Variants in KIAA0319L observed in about 807,000 individuals in gnomAD.
The protein encoded by KIAA0319L is dyslexia-associated protein KIAA0319-like protein.
Under a neutral mutation model 120.1 loss-of-function variants are expected in KIAA0319L, and 55 were observed. The ratio of observed to expected loss-of-function variants is 0.46; its 90% confidence interval spans 0.37 to 0.57. The LOEUF (loss-of-function observed/expected upper bound fraction) is 0.57. Ranked by LOEUF, KIAA0319L falls within the 20% of genes least tolerant of loss-of-function variation. The probability of loss-of-function intolerance (pLI) is 0.00; values close to 1 mark genes in which losing one functional copy is unlikely to be tolerated. For missense variants in KIAA0319L, 1,049 were observed against 1,255.3 expected (o/e 0.84, Z 2.48); for synonymous variants, 398 against 471.9 (o/e 0.84, Z 2.03).
intron 5 of KIAA0319L, 106 bp downstream of exon 5, chr1:35,474,699 G>A: frequency 1.5e-6 from 1 of 647,306 alleles, no homozygotes; most frequent in Non-Finnish European, 2.8e-6. Context: ...ACTAAGGTGG[G>A]AGGATCTCCT....
intron 17 of KIAA0319L, among the ~76,000 whole-genome samples, chr1:35,443,879 A>G (rs929841084): frequency 6.6e-6 from 1 of 152,180 alleles, no homozygotes; most frequent in African/African-American, 2.4e-5. Flanking sequence ...TTGATCATTG[A>G]AGTAAACAGT....
intron 3 of KIAA0319L, among the ~76,000 whole-genome samples, chr1:35,492,530 AT>A (rs1326286661): frequency 1.3e-5 from 2 of 151,662 alleles, no homozygotes; most frequent in Admixed American, 6.6e-5. Context: ...TAATAAATTA[AT>A]TAATAATAAT....
chr1:35,474,099 G>A (rs1210352503), intron 5 of KIAA0319L, among the ~76,000 whole-genome samples: 1 of 151,980 alleles, frequency 6.6e-6, no homozygotes, highest in Non-Finnish European at 1.5e-5. Context: ...TTTTCCCCCA[G>A]GGACAGGGTT....
chr1:35,526,643 C>T (rs181393593), intron 2 of KIAA0319L, among the ~76,000 whole-genome samples: 148 of 151,982 alleles, frequency 9.7e-4, no homozygotes, highest in South Asian at 5.6e-3. Context: ...GATGAGGTCT[C>T]ACTAAGTTGC....
chr1:35,524,367 A>C (rs895263731), intron 2 of KIAA0319L, among the ~76,000 whole-genome samples: 11 of 152,130 alleles, frequency 7.2e-5, no homozygotes, highest in African/African-American at 2.7e-4. Context: ...AAGCTATACA[A>C]TTATCGGGGT....
rs1402017524 is a variant in KIAA0319L at position 35,470,950 on chromosome 1, G to A, written c.1026C>T (p.Tyr342=). ...GAGTAATCAGCTGCCAGTCGTAGGT[G>A]TAGGTTTCTCCTATAGAAGGGCAGT... ...VLQEPPKGET[Y]TYDWQLITHP... Residue 342 remains tyrosine (Y), a synonymous_variant, in exon 6 of 21, where the codon TAC becomes TAT. Coordinates refer to ENST00000325722, the MANE Select transcript of KIAA0319L (RefSeq NM_024874.5). 1 of 1,607,304 alleles carries A rather than the reference G, an allele frequency of 6.2e-7. No individual in the cohort carries two copies. Among genetic ancestry groups the A allele is most frequent in the African/African-American group, 1.3e-5 (1 of 74,786 alleles).
At chr1:35,533,549 T>G (rs1312013371) in intron 2 of KIAA0319L, 1 of 152,240 alleles carries the variant, frequency 6.6e-6, no homozygotes, top group Non-Finnish European at 1.5e-5. Flanking sequence ...AATTTTCTAA[T>G]ATGGTCAAGA....
At chr1:35,454,138 CCAA>C (rs1319229344) in intron 11 of KIAA0319L, 3 of 504,006 alleles carry the variant, frequency 6.0e-6, no homozygotes, top group South Asian at 3.8e-5. Flanking sequence ...TTTGAAGGTA[CCAA>C]CAACAAGCCA....
intron 3 of KIAA0319L, among the ~76,000 whole-genome samples, chr1:35,505,590 A>G (rs1434427518): frequency 6.6e-6 from 1 of 152,206 alleles, no homozygotes; most frequent in Non-Finnish European, 1.5e-5. Flanking sequence ...ATTCTTATTC[A>G]CCTTTGTATC....
intron 19 of KIAA0319L, among the ~76,000 whole-genome samples, 167 bp downstream of exon 19, chr1:35,442,079 C>G (rs1480768772): frequency 6.6e-6 from 1 of 151,954 alleles, no homozygotes; most frequent in Non-Finnish European, 1.5e-5. Context: ...TCAGGAGAGT[C>G]TCAGGGTGAG....
chr1:35,443,674 A>AAATG (rs1641397158), intron 17 of KIAA0319L, among the ~76,000 whole-genome samples: 1 of 119,768 alleles, frequency 8.3e-6, no homozygotes, highest in Non-Finnish European at 1.7e-5. Flanking sequence ...CTCTATCTCA[A>AAATG]AATAAATAAA....
At chr1:35,481,719 C>A (rs943899500) in intron 3 of KIAA0319L, among the ~76,000 whole-genome samples, 4 of 149,922 alleles carry the variant, frequency 2.7e-5, no homozygotes, top group African/African-American at 7.3e-5. Context: ...ACCACCAGTA[C>A]AATCAAGCTA....
At chr1:35,468,222 G>A (rs1273062122) in intron 6 of KIAA0319L, among the ~76,000 whole-genome samples, 1 of 151,264 alleles carries the variant, frequency 6.6e-6, no homozygotes, top group East Asian at 1.9e-4. Flanking sequence ...AGTATCTTTG[G>A]CTATTTCCTC....
intron 3 of KIAA0319L, among the ~76,000 whole-genome samples, chr1:35,496,307 C>T (rs1644804696): frequency 6.6e-6 from 1 of 152,086 alleles, no homozygotes. Flanking sequence ...GTAATCCCAG[C>T]TACTCAGGAG....
intron 3 of KIAA0319L, among the ~76,000 whole-genome samples, chr1:35,499,294 A>T (rs1644918776): frequency 6.6e-6 from 1 of 152,340 alleles, no homozygotes; most frequent in South Asian, 2.1e-4. Context: ...TGATGGTATT[A>T]GGAGGTAGGG....
chr1:35,496,472 C>T (rs536755417), intron 3 of KIAA0319L, among the ~76,000 whole-genome samples: 17 of 152,200 alleles, frequency 1.1e-4, no homozygotes, highest in African/African-American at 4.1e-4. Flanking sequence ...TATTCCACTC[C>T]CACATATTTA....
chr1:35,435,318 C>A, intron 20 of KIAA0319L: 1 of 457,434 alleles, frequency 2.2e-6, no homozygotes, highest in African/African-American at 2.0e-5. Context: ...GGGTCTCCTG[C>A]TGGTTCTTCA....
intron 2 of KIAA0319L, among the ~76,000 whole-genome samples, chr1:35,551,570 C>T (rs535131127): frequency 6.6e-6 from 1 of 152,252 alleles, no homozygotes; most frequent in South Asian, 2.1e-4. Context: ...CCACCCGCCT[C>T]GGCCTCCCAA....
At chr1:35,507,850 A>C (rs1490892752) in intron 2 of KIAA0319L, among the ~76,000 whole-genome samples, 1 of 152,240 alleles carries the variant, frequency 6.6e-6, no homozygotes, top group Non-Finnish European at 1.5e-5. Flanking sequence ...ATGGAACCTA[A>C]GTACAACAGT....
Sources: gnomAD v4.1 joint callset for allele counts (sites outside exome capture counted in the v4.1 genomes callset) on GRCh38, gnomAD v4.1.1 for gene constraint, MANE v1.5 for transcripts, NCBI Gene and HGNC (gene_info 2026-07-23, HGNC 2026-07-21) for gene names.